The following TENM1 variants were observed in gnomAD, a reference collection of about 807,000 sequenced individuals.
The protein encoded by TENM1 is teneurin transmembrane protein 1, also known as teneurin-1.
Under a neutral mutation model 174.8 loss-of-function variants are expected in TENM1, and 35 were observed. That is an observed-to-expected ratio of 0.20 (90% CI 0.15 to 0.27). The LOEUF (loss-of-function observed/expected upper bound fraction) is 0.27, where lower values mean the gene tolerates loss of function less well. TENM1 is among the 10% of genes least tolerant of loss of function. The pLI, the probability that TENM1 is intolerant of heterozygous loss-of-function variation, is 1.00. For missense variants in TENM1, 1,633 were observed against 2,130.1 expected (o/e 0.77, Z 4.59); for synonymous variants, 781 against 798.7 (o/e 0.98, Z 0.37).
the TENM1 span, among the ~76,000 whole-genome samples, chrX:125,093,921 CA>C: frequency 1.8e-5 from 2 of 112,079 alleles, no homozygotes; most frequent in Admixed American, 1.9e-4. Context: ...GGAGCAGAGC[CA>C]AAGTCTGAAT....
chrX:124,794,216 G>T (rs896103878), intron 3 of TENM1, among the ~76,000 whole-genome samples: 1 of 111,208 alleles, frequency 9.0e-6, no homozygotes, highest in Non-Finnish European at 1.9e-5. Flanking sequence ...TCTAAATGTC[G>T]CTGTTTGCTG....
intron 3 of TENM1, among the ~76,000 whole-genome samples, chrX:124,782,432 G>T (rs368956700): frequency 5.9e-4 from 65 of 110,293 alleles, no homozygotes; most frequent in African/African-American, 2.1e-3. Flanking sequence ...TTTAATCCTT[G>T]ACTCTTACCC....
intron 5 of TENM1, among the ~76,000 whole-genome samples, chrX:124,677,252 T>A (rs886072633): frequency 7.2e-5 from 8 of 111,267 alleles, no homozygotes; most frequent in Non-Finnish European, 1.5e-4. Context: ...CAAAGAGATA[T>A]GATGTTTCTC....
intron 16 of TENM1, among the ~76,000 whole-genome samples, chrX:124,527,445 C>T (rs1283841597): frequency 1.8e-5 from 2 of 110,601 alleles, no homozygotes; most frequent in African/African-American, 6.6e-5. Flanking sequence ...TTGCATTCAA[C>T]GGGGACTTTG....
chrX:124,472,549 T>C (rs1377054708), intron 22 of TENM1, among the ~76,000 whole-genome samples: 1 of 110,200 alleles, frequency 9.1e-6, no homozygotes, highest in African/African-American at 3.3e-5. Context: ...AAATAAAAAA[T>C]GAACTTCTTT....
intron 14 of TENM1, among the ~76,000 whole-genome samples, chrX:124,549,592 C>T (rs911687684): frequency 1.8e-5 from 2 of 111,650 alleles, no homozygotes; most frequent in Non-Finnish European, 3.8e-5. Flanking sequence ...ACATTCTCAT[C>T]TAGTAATGTT....
chrX:124,606,892 C>T (rs893965225), intron 11 of TENM1, among the ~76,000 whole-genome samples: 3 of 110,649 alleles, frequency 2.7e-5, no homozygotes, highest in African/African-American at 9.9e-5. Flanking sequence ...TACAATAGTA[C>T]CCAGCAACAG....
chrX:124,418,881 A>T (rs1364355481), intron 25 of TENM1, among the ~76,000 whole-genome samples: 1 of 112,091 alleles, frequency 8.9e-6, no homozygotes, highest in Non-Finnish European at 1.9e-5. Flanking sequence ...AGGGTAGTAT[A>T]TTTAAAAACA....
Position 124,791,679 on chromosome X carries a change from C to A in TENM1, c.536-54482G>T, listed in dbSNP as rs141501017. Among the ~76,000 whole-genome samples the A allele has an allele frequency of 5.4e-3, 599 of 111,568 alleles. 5 individuals are homozygous for A. Among genetic ancestry groups the A allele is most frequent in the African/African-American group, 0.019 (575 of 30,759 alleles). On this transcript the variant is annotated intron_variant, in intron 3 of 31. Coordinates refer to ENST00000422452, the Ensembl canonical transcript of TENM1. ...CAAAAATGTAGATCAAAGTGGATTT[C>A]CTGACTCTTCTACATGCAGTCACTT...
chrX:124,411,564 T>C (rs1252002626), intron 25 of TENM1, among the ~76,000 whole-genome samples: 2 of 111,671 alleles, frequency 1.8e-5, no homozygotes, highest in Non-Finnish European at 3.8e-5. Flanking sequence ...CATACCCCAA[T>C]TCTGCTAGTT....
At chrX:124,832,607 T>A (rs187464494) in intron 3 of TENM1, among the ~76,000 whole-genome samples, 1 of 112,409 alleles carries the variant, frequency 8.9e-6, no homozygotes, top group East Asian at 2.8e-4. Context: ...TGAGACAGGG[T>A]CTGGCTCTGT....
the TENM1 span, among the ~76,000 whole-genome samples, chrX:125,143,323 G>T: frequency 8.9e-6 from 1 of 111,905 alleles, no homozygotes; most frequent in Non-Finnish European, 1.9e-5. Context: ...AGGAAAATTT[G>T]TTATTCTTGA....
chrX:125,140,560 A>G, the TENM1 span, among the ~76,000 whole-genome samples: 3 of 111,717 alleles, frequency 2.7e-5, 1 homozygote, highest in Non-Finnish European at 5.6e-5. Flanking sequence ...CTAGCTAACA[A>G]CAATGTATTA....
intron 11 of TENM1, among the ~76,000 whole-genome samples, chrX:124,604,101 T>C: frequency 9.0e-6 from 1 of 111,067 alleles, no homozygotes; most frequent in Admixed American, 9.6e-5. Flanking sequence ...ATTTATTCAG[T>C]CTACATAAAA....
chrX:124,830,689 G>T (rs2056269544), intron 3 of TENM1, among the ~76,000 whole-genome samples: 1 of 111,856 alleles, frequency 8.9e-6, no homozygotes, highest in Non-Finnish European at 1.9e-5. Flanking sequence ...TGCTAGGTAA[G>T]TCTGCGTGTG....
intron 22 of TENM1, 145 bp from the exon 26 acceptor site, chrX:124,453,636 G>T: frequency 2.2e-6 from 1 of 449,752 alleles, no homozygotes. Flanking sequence ...GGACAGTAAT[G>T]GGAGAGGTTT....
intron 3 of TENM1, among the ~76,000 whole-genome samples, chrX:124,866,055 A>G (rs769792589): frequency 8.9e-6 from 1 of 111,971 alleles, no homozygotes; most frequent in South Asian, 3.8e-4. Flanking sequence ...CCAATACAAT[A>G]ATAGCTGCAG....
At chrX:124,438,167 ATCT>A (rs2060864142) in intron 23 of TENM1, among the ~76,000 whole-genome samples, 1 of 111,401 alleles carries the variant, frequency 9.0e-6, no homozygotes. Flanking sequence ...GCATCAGGTG[ATCT>A]GCTTGCCTCG....
chrX:124,452,072 A>G (rs1217439950), intron 23 of TENM1, among the ~76,000 whole-genome samples: 1 of 112,548 alleles, frequency 8.9e-6, no homozygotes, highest in East Asian at 2.8e-4. Flanking sequence ...AACTACCATC[A>G]GAGTGAACAG....
Sources: gnomAD v4.1 joint callset for allele counts (sites outside exome capture counted in the v4.1 genomes callset) on GRCh38, gnomAD v4.1.1 for gene constraint, MANE v1.5 for transcripts, NCBI Gene and HGNC (gene_info 2026-07-23, HGNC 2026-07-21) for gene names.